Variants in KLHL1 observed in about 807,000 individuals in gnomAD.
The protein encoded by KLHL1 is kelch-like protein 1.
In KLHL1, 47 loss-of-function variants were observed where a neutral mutation model predicts 77.7. The ratio of observed to expected loss-of-function variants is 0.60; its 90% CI spans 0.48 to 0.77. The LOEUF (loss-of-function observed/expected upper bound fraction) is 0.77. KLHL1 is among the 30% of genes least tolerant of loss of function. The probability of loss-of-function intolerance (pLI) is 0.00; values close to 1 mark genes in which losing one functional copy is unlikely to be tolerated. For synonymous variants in KLHL1, 360 were observed against 325.2 expected (o/e 1.11, Z -1.15); for missense variants, 925 against 910.8 (o/e 1.02, Z -0.20).
chr13:69,957,497 G>A (rs1389437245), intron 3 of KLHL1, among the ~76,000 whole-genome samples: 1 of 151,678 alleles, frequency 6.6e-6, no homozygotes, highest in African/African-American at 2.4e-5. Context: ...AACGAGGATA[G>A]CACATCCAGA....
intron 10 of KLHL1, among the ~76,000 whole-genome samples, chr13:69,702,138 C>G (rs1875423316): frequency 6.6e-6 from 1 of 151,666 alleles, no homozygotes; most frequent in South Asian, 2.1e-4. Context: ...ATAGCTATTA[C>G]ACTTACTGCA....
At chr13:69,782,708 T>C (rs1876292612) in intron 7 of KLHL1, among the ~76,000 whole-genome samples, 1 of 152,232 alleles carries the variant, frequency 6.6e-6, no homozygotes, top group Non-Finnish European at 1.5e-5. Flanking sequence ...GAGGCCTGCC[T>C]GCCTCTGTAG....
chr13:69,878,096 T>C (rs1454795050), intron 5 of KLHL1, among the ~76,000 whole-genome samples: 1 of 152,140 alleles, frequency 6.6e-6, no homozygotes, highest in East Asian at 1.9e-4. Flanking sequence ...ACATGTTCTG[T>C]TTGTTGATGA....
chr13:70,034,143 T>C (rs9572342), intron 1 of KLHL1, among the ~76,000 whole-genome samples: 38,641 of 152,084 alleles, frequency 0.25, 5,564 homozygotes, highest in African/African-American at 0.4. Flanking sequence ...CCGGAACTTA[T>C]GTACCATGAA....
intron 7 of KLHL1, among the ~76,000 whole-genome samples, chr13:69,780,712 ATATG>A (rs201493200): frequency 0.19 from 8,253 of 43,138 alleles, 870 homozygotes; most frequent in East Asian, 0.47. Flanking sequence ...GTATATATAT[ATATG>A]TATATATATA....
intron 1 of KLHL1, among the ~76,000 whole-genome samples, chr13:70,031,880 C>A: frequency 6.6e-6 from 1 of 151,996 alleles, no homozygotes; most frequent in East Asian, 1.9e-4. Flanking sequence ...GTAAACCTGA[C>A]AATAGCCGGG....
At chr13:69,990,335 G>A (rs1215124993) in intron 1 of KLHL1, among the ~76,000 whole-genome samples, 1 of 152,002 alleles carries the variant, frequency 6.6e-6, no homozygotes, top group Non-Finnish European at 1.5e-5. Flanking sequence ...ACCCCTGAAT[G>A]TAAATGGGAT....
chr13:70,012,850 G>A (rs953813660), intron 1 of KLHL1, among the ~76,000 whole-genome samples: 2 of 151,760 alleles, frequency 1.3e-5, no homozygotes, highest in Non-Finnish European at 2.9e-5. Flanking sequence ...TTGCAGTGAG[G>A]TGAGATCTCG....
chr13:69,920,782 G>A (rs1273893736), intron 4 of KLHL1, among the ~76,000 whole-genome samples: 1 of 151,942 alleles, frequency 6.6e-6, no homozygotes, highest in East Asian at 1.9e-4. Context: ...ATAAGAGAAG[G>A]TCAGCAAAAA....
intron 1 of KLHL1, among the ~76,000 whole-genome samples, chr13:69,990,267 C>A (rs1448764264): frequency 6.6e-6 from 1 of 151,962 alleles, no homozygotes; most frequent in Admixed American, 6.6e-5. Context: ...ACAGGCAAGT[C>A]TGCATAATAA....
At chr13:69,710,523 GGAAGA>G (rs1361979934) in intron 9 of KLHL1, among the ~76,000 whole-genome samples, 4 of 151,900 alleles carry the variant, frequency 2.6e-5, no homozygotes, top group African/African-American at 9.7e-5. Context: ...CAGATATTTA[GGAAGA>G]GAAGAGATCA....
intron 1 of KLHL1, among the ~76,000 whole-genome samples, chr13:70,045,069 T>C (rs1465517921): frequency 6.6e-6 from 1 of 152,210 alleles, no homozygotes; most frequent in African/African-American, 2.4e-5. Context: ...GATGTTTATA[T>C]ACACATAGTA....
In KLHL1 at chr13:69,900,559, G is replaced by A. The variant is rs115201450; in HGVS notation, c.1015-18064C>T. ...CTTTAGGATTTGTTGAGCAAGAGAC[G>A]CCGGGTTTTAGTGGAAAGGGCACTT... On this transcript the variant is annotated intron_variant, in intron 4 of 10. Coordinates refer to ENST00000377844, the MANE Select transcript of KLHL1 (RefSeq NM_020866.3). 3.9e-3 allele frequency among the ~76,000 whole-genome samples: 587 copies of A among 152,244 alleles called. 4 individuals carry two copies. Among genetic ancestry groups the A allele is most frequent in the African/African-American group, 0.013 (555 of 41,530 alleles).
intron 6 of KLHL1, among the ~76,000 whole-genome samples, chr13:69,806,555 C>A (rs1234494230): frequency 6.6e-6 from 1 of 152,134 alleles, no homozygotes; most frequent in Non-Finnish European, 1.5e-5. Context: ...CAGCTGGGAA[C>A]AGACTGACAG....
At chr13:69,886,250 C>T (rs1186440120) in intron 4 of KLHL1, among the ~76,000 whole-genome samples, 3 of 152,058 alleles carry the variant, frequency 2.0e-5, no homozygotes, top group Non-Finnish European at 2.9e-5. Flanking sequence ...TTTCATAAGA[C>T]AGGATAGCTA....
intron 6 of KLHL1, among the ~76,000 whole-genome samples, chr13:69,835,370 G>C (rs1878944968): frequency 6.6e-6 from 1 of 152,132 alleles, no homozygotes. Flanking sequence ...TCAAATAGCT[G>C]AAGGAACAGT....
In KLHL1 at chr13:70,107,575, C is replaced by T. The variant is rs1016616139; in HGVS notation, c.125G>A (p.Gly42Asp). The change falls in exon 1 of 11, where the codon GGC (glycine) becomes GAC (aspartate). Residue 42 changes from glycine (G) to aspartate (D), a missense_variant. Transcript: ENST00000377844. ...PAGGGCLQQD[G>D]SGSFEHWGPS... is the part of the protein sequence containing the mutation. ...TCCCCAGTGCTCAAAGCTGCCACTG[C>T]CGTCCTGTTGCAGGCAGCCTCCCCC... 6 of 1,605,662 alleles carry T rather than the reference C, an allele frequency of 3.7e-6. No individual in the cohort carries two copies. The South Asian group carries it at 5.6e-5, about 15-fold the overall frequency.
chr13:69,741,583 G>C (rs1399594091), intron 7 of KLHL1, among the ~76,000 whole-genome samples: 2 of 152,084 alleles, frequency 1.3e-5, no homozygotes, highest in African/African-American at 4.8e-5. Context: ...AATTCCCATA[G>C]GGTGATCCAA....
intron 7 of KLHL1, among the ~76,000 whole-genome samples, chr13:69,780,220 C>T (rs996347562): frequency 5.9e-5 from 9 of 152,144 alleles, no homozygotes; most frequent in African/African-American, 1.9e-4. Flanking sequence ...TATTGAGAGA[C>T]TTAACTTTTT....
Sources: allele counts gnomAD v4.1 joint callset (sites outside exome capture counted in the v4.1 genomes callset), GRCh38; gene constraint gnomAD v4.1.1; transcripts MANE v1.5; gene names NCBI Gene and HGNC (gene_info 2026-07-23, HGNC 2026-07-21).